SUPT3H: variants seen among roughly 807,000 people sequenced by gnomAD.
The protein encoded by SUPT3H is transcription initiation protein SPT3 homolog.
In SUPT3H, 44 loss-of-function variants were observed where a neutral mutation model predicts 44.3. The observed-to-expected ratio is 0.99, with a 90% CI of 0.78 to 1.28. The LOEUF is 1.28. SUPT3H is among the 50% of genes most tolerant of loss of function. The pLI, the probability that SUPT3H is intolerant of heterozygous loss-of-function variation, is 0.00. For missense variants in SUPT3H, 380 were observed against 387.1 expected (o/e 0.98, Z 0.15); for synonymous variants, 124 against 125.6 (o/e 0.99, Z 0.09).
At chr6:45,230,423 G>A (rs559657675) in intron 2 of SUPT3H, among the ~76,000 whole-genome samples, 25 of 151,554 alleles carry the variant, frequency 1.6e-4, no homozygotes, top group African/African-American at 5.1e-4. Flanking sequence ...TGTGGGGGGG[G>A]CTTATGTAAC....
chr6:45,302,140 G>A (rs1782223705), intron 2 of SUPT3H, among the ~76,000 whole-genome samples: 1 of 152,052 alleles, frequency 6.6e-6, no homozygotes, highest in Non-Finnish European at 1.5e-5. Context: ...GCGGGGGAAA[G>A]GTGGTATTTG....
chr6:44,916,190 G>A (rs996016950), intron 10 of SUPT3H, among the ~76,000 whole-genome samples: 4 of 152,188 alleles, frequency 2.6e-5, no homozygotes, highest in Non-Finnish European at 5.9e-5. Context: ...CTATTTCTGG[G>A]TAAGGATCCT....
intron 2 of SUPT3H, among the ~76,000 whole-genome samples, chr6:45,172,428 T>G (rs146353325): frequency 1.9e-3 from 287 of 152,164 alleles, no homozygotes; most frequent in African/African-American, 6.7e-3. Context: ...TATTTATCTC[T>G]AACAATCCTG....
At chr6:44,901,980 T>A (rs1321055039) in intron 10 of SUPT3H, among the ~76,000 whole-genome samples, 2 of 152,024 alleles carry the variant, frequency 1.3e-5, no homozygotes, top group Admixed American at 6.5e-5. Context: ...TGCTGAGAGA[T>A]TTTGTCACCA....
chr6:45,327,732 C>CTT (rs11438577), intron 2 of SUPT3H, among the ~76,000 whole-genome samples: 390 of 148,432 alleles, frequency 2.6e-3, no homozygotes, highest in East Asian at 0.012. Flanking sequence ...TTAAGGTAAA[C>CTT]TTTTTTTTTT....
At chr6:45,248,620 T>A (rs183806794) in intron 2 of SUPT3H, among the ~76,000 whole-genome samples, 21 of 152,132 alleles carry the variant, frequency 1.4e-4, no homozygotes, top group Admixed American at 1.3e-3. Flanking sequence ...TGTGGAAGAA[T>A]TAGAACTCTC....
chr6:44,830,864 G>GAATT (rs1768537413), intron 10 of SUPT3H, among the ~76,000 whole-genome samples: 1 of 151,714 alleles, frequency 6.6e-6, no homozygotes, highest in South Asian at 2.1e-4. Flanking sequence ...CCAGCCCAAT[G>GAATT]AATTAACCTT....
intron 2 of SUPT3H, among the ~76,000 whole-genome samples, chr6:45,140,975 A>G (rs1036117750): frequency 2.6e-5 from 4 of 152,164 alleles, no homozygotes; most frequent in Non-Finnish European, 5.9e-5. Flanking sequence ...ACAAAACAGC[A>G]TTCTATAAGA....
chr6:45,194,875 A>C (rs1461051535), intron 2 of SUPT3H, among the ~76,000 whole-genome samples: 3 of 152,162 alleles, frequency 2.0e-5, no homozygotes, highest in Non-Finnish European at 4.4e-5. Flanking sequence ...ATTCCAAAAG[A>C]AGCTGACTAC....
intron 9 of SUPT3H, among the ~76,000 whole-genome samples, chr6:44,944,392 A>T (rs566708693): frequency 6.6e-6 from 1 of 152,296 alleles, no homozygotes; most frequent in Non-Finnish European, 1.5e-5. Context: ...CAGAAAAGAA[A>T]TAGGAAAAGT....
At chr6:44,893,668 G>C (rs1468380800) in intron 10 of SUPT3H, among the ~76,000 whole-genome samples, 1 of 150,676 alleles carries the variant, frequency 6.6e-6, no homozygotes, top group Non-Finnish European at 1.5e-5. Context: ...TGTGAATAAT[G>C]CCGCAATAAA....
intron 5 of SUPT3H, among the ~76,000 whole-genome samples, chr6:45,005,137 C>T (rs1337222112): frequency 1.3e-5 from 2 of 152,050 alleles, no homozygotes; most frequent in Non-Finnish European, 1.5e-5. Context: ...TTCAAGTTTC[C>T]AAGACTAATG....
intron 2 of SUPT3H, among the ~76,000 whole-genome samples, chr6:45,242,054 T>C (rs1434118929): frequency 6.6e-6 from 1 of 152,194 alleles, no homozygotes; most frequent in Non-Finnish European, 1.5e-5. Context: ...ACAGTTCCAC[T>C]TGTGGAAACT....
At position 44,980,101 on chromosome 6, in the gene SUPT3H, C is replaced by T. The variant is rs144884548; in HGVS notation, c.505-18273G>A. Among the ~76,000 whole-genome samples the T allele has an allele frequency of 1.9e-3, 291 of 152,186 alleles. 1 individual carries two copies. The Middle Eastern group carries it at 0.031, about 16-fold the overall frequency. ...TAGGTATTCAGGCTTTACACAAACA[C>T]TGACTGAAGTCTCCAGGGCCTCAAT... On this transcript the variant is annotated intron_variant, in intron 6 of 10. Coordinates refer to ENST00000371459, the MANE Select transcript of SUPT3H (RefSeq NM_003599.4).
rs1767967962 is a variant in SUPT3H, at chr6:44,828,104, G to C, written c.*1712C>G. On this transcript the variant is annotated 3_prime_UTR_variant, in exon 11 of 11. Transcript: ENST00000371459. ...TGTGGGAGAGAAGGAATTTTGATGT[G>C]AAAAATTATCCCCTGAAAATTTTAT... Among the ~76,000 whole-genome samples, 1 of 152,152 alleles carries C rather than the reference G, an allele frequency of 6.6e-6. No individual in the cohort carries two copies. Among genetic ancestry groups the C allele is most frequent in the East Asian group, 1.9e-4 (1 of 5,168 alleles).
chr6:45,272,366 G>A (rs973830350), intron 2 of SUPT3H, among the ~76,000 whole-genome samples: 2 of 152,082 alleles, frequency 1.3e-5, no homozygotes, highest in Non-Finnish European at 2.9e-5. Context: ...TGCTGTTCTT[G>A]TGATAGTGAG....
chr6:45,063,019 A>G (rs1792450361), intron 3 of SUPT3H, among the ~76,000 whole-genome samples: 1 of 151,018 alleles, frequency 6.6e-6, no homozygotes, highest in South Asian at 2.1e-4. Flanking sequence ...GGCACAGACA[A>G]ACAAAAAGAC....
At chr6:45,085,451 T>C (rs1358387619) in intron 3 of SUPT3H, among the ~76,000 whole-genome samples, 1 of 152,176 alleles carries the variant, frequency 6.6e-6, no homozygotes, top group African/African-American at 2.4e-5. Context: ...TTTTTACATC[T>C]GACAAAGTTC....
chr6:44,951,645 AGG>A (rs1774333866), intron 9 of SUPT3H, among the ~76,000 whole-genome samples: 1 of 152,204 alleles, frequency 6.6e-6, no homozygotes, highest in African/African-American at 2.4e-5. Context: ...CAGCACATAT[AGG>A]ATATTCCTCT....
Sources: allele counts gnomAD v4.1 joint callset (sites outside exome capture counted in the v4.1 genomes callset), GRCh38; gene constraint gnomAD v4.1.1; transcripts MANE v1.5; gene names NCBI Gene and HGNC (gene_info 2026-07-23, HGNC 2026-07-21).